Variants in SPIRE2 observed in about 807,000 individuals in gnomAD.
The protein encoded by SPIRE2 is spire type actin nucleation factor 2.
SPIRE2 carries 76 observed loss-of-function variants against 80.7 expected under a neutral mutation model. The ratio of observed to expected loss-of-function variants is 0.94; its 90% confidence interval spans 0.78 to 1.14. The LOEUF (loss-of-function observed/expected upper bound fraction) is 1.14, where lower values mean the gene tolerates loss of function less well. SPIRE2 is among the 50% of genes most tolerant of loss of function. The pLI is 0.00. For missense variants in SPIRE2, 1,196 were observed against 1,015.3 expected (o/e 1.18, Z -2.42); for synonymous variants, 535 against 432.6 (o/e 1.24, Z -2.94).
chr16:89,860,165 C>T (rs1183297069), intron 9 of SPIRE2, among the ~76,000 whole-genome samples: 2 of 152,228 alleles, frequency 1.3e-5, no homozygotes, highest in Non-Finnish European at 2.9e-5. Flanking sequence ...CCAGCTCATT[C>T]TGGGGCTCAG....
intron 12 of SPIRE2, among the ~76,000 whole-genome samples, chr16:89,866,758 G>A (rs929289074): frequency 2.6e-5 from 4 of 151,856 alleles, no homozygotes; most frequent in Non-Finnish European, 4.4e-5. Flanking sequence ...ACAGGTGCCC[G>A]CCACCAGGCC....
chr16:89,834,490 G>A (rs536241235), intron 1 of SPIRE2, among the ~76,000 whole-genome samples: 3 of 101,964 alleles, frequency 2.9e-5, no homozygotes, highest in Non-Finnish European at 4.1e-5. Flanking sequence ...CCGCACTCGC[G>A]GTTGGCCATC....
intron 7 of SPIRE2, among the ~76,000 whole-genome samples, chr16:89,856,507 C>T (rs928488720): frequency 9.9e-5 from 15 of 151,808 alleles, no homozygotes; most frequent in Non-Finnish European, 1.6e-4. Flanking sequence ...TGCAGTGGAG[C>T]GACCTCGGCT....
rs1424947898 is a variant in SPIRE2, at chr16:89,845,380, A to C, written c.288+15A>C. On this transcript the variant is annotated intron_variant, in intron 2 of 14. Coordinates refer to ENST00000378247, the MANE Select transcript of SPIRE2 (RefSeq NM_032451.2). The stretch of plus-strand genomic sequence containing the variant: ...CGGAAGCCCAGGTACTTTTTAAAAA[A>C]TTCCAAGTATTACTTGATGTGTGTT... The C allele has an allele frequency of 4.4e-6, 7 of 1,607,240 alleles. No individual in the cohort carries two copies. Among genetic ancestry groups the C allele is most frequent in the Admixed American group, 1.7e-5 (1 of 60,016 alleles).
In SPIRE2 at chr16:89,835,830, G is replaced by A. The variant is rs549377998; in HGVS notation, c.244+7036G>A. The stretch of plus-strand genomic sequence containing the variant: ...TCCAAAGACCCCTTCATTCCAGCGC[G>A]TGTGTCTCTCTGGGACTGAGGAGCG... On this transcript the variant is annotated intron_variant, in intron 1 of 14. Coordinates refer to ENST00000378247, the MANE Select transcript of SPIRE2 (RefSeq NM_032451.2). Among the ~76,000 whole-genome samples the A allele has an allele frequency of 6.6e-5, 10 of 152,250 alleles. No individual in the cohort carries two copies. In the South Asian group the frequency reaches 1.5e-3, roughly 22 times the overall value.
At chr16:89,840,862 C>T (rs1453882716) in intron 1 of SPIRE2, among the ~76,000 whole-genome samples, 1 of 151,826 alleles carries the variant, frequency 6.6e-6, no homozygotes, top group African/African-American at 2.4e-5. Flanking sequence ...TGGTCTCGAT[C>T]TCCTGACCTC....
chr16:89,858,601 CA>C (rs1363455131), intron 8 of SPIRE2, 94 bp downstream of exon 8: 2 of 1,251,842 alleles, frequency 1.6e-6, no homozygotes, highest in Non-Finnish European at 2.1e-6. Flanking sequence ...GGGGCAGCAG[CA>C]ATTGCGGTGT....
At position 89,870,373 on chromosome 16, in the gene SPIRE2, T is replaced by C; in HGVS notation, c.*101T>C. Reference sequence around the variant, plus strand: ...GTACATATATACATATATAGATACATTTATAATATATACACACAGTCTATA... The same window carrying C: ...GTACATATATACATATATAGATACACTTATAATATATACACACAGTCTATA... On this transcript the variant is annotated 3_prime_UTR_variant, in exon 15 of 15. Transcript: ENST00000378247. 1 of 665,496 alleles carries C rather than the reference T, an allele frequency of 1.5e-6. No individual in the cohort carries two copies. The highest frequency in any genetic ancestry group is 4.1e-4 in the Middle Eastern group (1 of 2,440). The allele number at this position is 665,496 out of a possible 1,614,324, so 41.2% of individuals were successfully genotyped here.
In SPIRE2 at chr16:89,850,546, G is replaced by T; in HGVS notation, c.531G>T (p.Ala177=). 6.6e-7 allele frequency: 1 copy of T among 1,512,348 alleles called. No homozygotes were observed. 93.7% of individuals were successfully genotyped at this position (1,512,348 alleles called of 1,614,324 possible). ...TFAQAMRLCA[A]RLTDPRGAQA... ...CCCAGGCCATGCGGCTGTGCGCGGC[G>T]CGGCTGACCGACCCCCGGGGCGCAC... The change falls in exon 3 of 15, where the codon GCG becomes GCT. Residue 177 remains alanine (A), a synonymous_variant. Coordinates refer to ENST00000378247, the MANE Select transcript of SPIRE2 (RefSeq NM_032451.2).
At chr16:89,858,244 G>A in intron 7 of SPIRE2, 94 bp from the exon 8 acceptor site, 16 of 1,311,480 alleles carry the variant, frequency 1.2e-5, no homozygotes, top group Non-Finnish European at 1.6e-5. Context: ...GCAAAGTCAG[G>A]GAATTAAGCC....
At chr16:89,859,382 C>T (rs746392175) in intron 9 of SPIRE2, 28 bp downstream of exon 9, 2 of 1,395,298 alleles carry the variant, frequency 1.4e-6, no homozygotes, top group East Asian at 2.7e-5. Flanking sequence ...CCCCCGTACC[C>T]TCCTTCGCCC....
At chr16:89,855,733 G>A in intron 6 of SPIRE2, 47 bp downstream of exon 6, 3 of 1,585,780 alleles carry the variant, frequency 1.9e-6, no homozygotes, top group Non-Finnish European at 2.6e-6. Flanking sequence ...GGGGCCTGGT[G>A]CTGTCCTGTA....
At chr16:89,850,947 C>T (rs1239238420) in intron 3 of SPIRE2, among the ~76,000 whole-genome samples, 2 of 152,110 alleles carry the variant, frequency 1.3e-5, no homozygotes, top group Non-Finnish European at 2.9e-5. Context: ...AGCAATTCTC[C>T]TGCCACAGGC....
chr16:89,858,630 T>G, intron 8 of SPIRE2, 123 bp downstream of exon 8: 1 of 950,414 alleles, frequency 1.1e-6, no homozygotes, highest in African/African-American at 1.7e-5. Flanking sequence ...CCAGGAGCCC[T>G]CCCTTGAAAC....
Position 89,850,594 on chromosome 16 carries a change from C to T in SPIRE2, c.579C>T (p.Cys193=), listed in dbSNP as rs763231411. ...RGAQAHYQAV[C]RALFVETLEL... ...CACAGGCGCATTACCAGGCCGTGTG[C>T]CGCGCGCTCTTCGTGGAGACGCTGG... The change falls in exon 3 of 15, where the codon TGC becomes TGT. Residue 193 remains cysteine, a synonymous_variant. Transcript: ENST00000378247. 1.7e-5 allele frequency: 26 copies of T among 1,519,628 alleles called. No homozygotes were observed. In the South Asian group the frequency reaches 2.6e-4, roughly 15 times the overall value. The allele number at this position is 1,519,628 out of a possible 1,614,324, so 94.1% of individuals were successfully genotyped here.
chr16:89,828,601 G>T lies in SPIRE2; in HGVS notation c.51G>T (p.Pro17=). ...GCGCCGCGGCGGGCGCAGGGCGGCC[G>T]GAGCCCTGGGAGCTGTCCCTGGAGG... ...CGGAAAGAGR[P]EPWELSLEEV... The change falls in exon 1 of 15, where the codon CCG becomes CCT. Residue 17 remains proline (P), a synonymous_variant. Coordinates refer to ENST00000378247, the MANE Select transcript of SPIRE2 (RefSeq NM_032451.2). This position sits in a 1 kb window ranked among gnomAD's most constrained non-coding sequence, Gnocchi z 5.9. 2 of 1,234,246 alleles carry T rather than the reference G, an allele frequency of 1.6e-6. No individual in the cohort carries two copies. Among genetic ancestry groups the T allele is most frequent in the South Asian group, 2.5e-5 (1 of 39,478 alleles). 76.5% of individuals were successfully genotyped at this position (1,234,246 alleles called of 1,614,324 possible). A position where few individuals can be genotyped will look rare whatever the true frequency, so the allele number is the denominator to read the frequency against.
At chr16:89,839,280 A>G (rs971120579) in intron 1 of SPIRE2, among the ~76,000 whole-genome samples, 20 of 151,736 alleles carry the variant, frequency 1.3e-4, no homozygotes, top group Non-Finnish European at 2.6e-4. Context: ...AGGCTGAGGC[A>G]GGAGAATGGC....
intron 2 of SPIRE2, chr16:89,845,818 C>T: frequency 1.8e-6 from 1 of 563,810 alleles, no homozygotes; most frequent in Non-Finnish European, 3.1e-6. Context: ...GCCCTGAAGT[C>T]ATGTCTGGAA....
chr16:89,859,637 G>A (rs2041724586), intron 9 of SPIRE2, among the ~76,000 whole-genome samples: 2 of 152,204 alleles, frequency 1.3e-5, no homozygotes, highest in Non-Finnish European at 2.9e-5. Flanking sequence ...GATATAGAAA[G>A]ATAGCTAACT....
Sources: gnomAD v4.1 joint callset for allele counts (sites outside exome capture counted in the v4.1 genomes callset) on GRCh38, gnomAD v4.1.1 for gene constraint, Gnocchi (gnomAD v3.1) non-coding constraint, MANE v1.5 for transcripts, NCBI Gene and HGNC (gene_info 2026-07-23, HGNC 2026-07-21) for gene names.